Variants in PPM1B observed in about 807,000 individuals in gnomAD.
PPM1B encodes protein phosphatase 1B.
A neutral mutation model predicts 43.0 loss-of-function variants in PPM1B; 22 were observed. That is an observed-to-expected ratio of 0.51 (90% CI 0.37 to 0.73). The LOEUF (loss-of-function observed/expected upper bound fraction) is 0.73, where lower values mean the gene tolerates loss of function less well. Ranked by LOEUF, PPM1B falls within the 30% of genes least tolerant of loss-of-function variation. The probability of loss-of-function intolerance (pLI) is 0.00; values close to 1 mark genes in which losing one functional copy is unlikely to be tolerated. For missense variants in PPM1B, 632 were observed against 584.2 expected, an observed-to-expected ratio of 1.08 and a Z score of -0.84; for synonymous variants, 217 against 197.9, an observed-to-expected ratio of 1.10 and a Z score of -0.81.
At chr2:44,200,597 T>G (rs1668887861) in intron 1 of PPM1B, among the ~76,000 whole-genome samples, 1 of 152,190 alleles carries the variant, frequency 6.6e-6, no homozygotes, top group African/African-American at 2.4e-5. Flanking sequence ...TAAAACCAAA[T>G]GTGTGTAGAA....
rs1670711515 is a variant in PPM1B, at chr2:44,239,964, G to T, written n.1547-4264G>T. On this transcript the variant is annotated intron_variant and non_coding_transcript_variant, in intron 5 of 5. Transcript: ENST00000378540. ...AGATTACTATAGCCTCTTAAGTGCT[G>T]ACATCTAGCAGGTATACATTGTCTT... 1.4e-5 allele frequency among the ~76,000 whole-genome samples: 2 copies of T among 144,466 alleles called. 1 individual carries two copies. The highest frequency in any genetic ancestry group is 1.4e-4 in the Admixed American group (2 of 14,432). 94.8% of individuals were successfully genotyped at this position (144,466 alleles called of 152,430 possible).
chr2:44,199,048 G>A, intron 1 of PPM1B, among the ~76,000 whole-genome samples: 1 of 151,930 alleles, frequency 6.6e-6, no homozygotes, highest in East Asian at 1.9e-4. Context: ...CACAAGGTCA[G>A]GAGTTCAAGA....
chr2:44,242,210 C>A (rs1470378870), intron 5 of PPM1B, among the ~76,000 whole-genome samples: 2 of 152,138 alleles, frequency 1.3e-5, no homozygotes, highest in South Asian at 4.1e-4. Flanking sequence ...TAATTGGCAG[C>A]ATTTTTTCTT....
chr2:44,178,062 C>T (rs910160261), intron 1 of PPM1B, among the ~76,000 whole-genome samples: 4 of 151,692 alleles, frequency 2.6e-5, no homozygotes, highest in South Asian at 2.1e-4. Context: ...GAACTACAGG[C>T]GTGCACCAAC....
chr2:44,202,118 T>C, intron 2 of PPM1B, 73 bp downstream of exon 2: 1 of 1,343,478 alleles, frequency 7.4e-7, no homozygotes, highest in African/African-American at 1.5e-5. Flanking sequence ...TTAAGCTAAC[T>C]TAAAATTTTA....
At chr2:44,212,576 C>G (rs1384645167) in intron 3 of PPM1B, among the ~76,000 whole-genome samples, 1 of 152,170 alleles carries the variant, frequency 6.6e-6, no homozygotes, top group Non-Finnish European at 1.5e-5. Context: ...TTATCTTTAA[C>G]ATAATTGCTG....
In PPM1B at chr2:44,218,054, C is replaced by G. The variant is rs1313537993; in HGVS notation, c.1052C>G (p.Pro351Arg). 6 of 1,612,678 alleles carry G rather than the reference C, an allele frequency of 3.7e-6. No homozygotes were observed. Among genetic ancestry groups the G allele is most frequent in the Non-Finnish European group, 4.2e-6 (5 of 1,179,580 alleles). Residue 351 changes from proline to arginine, a missense_variant, in exon 4 of 6, where the codon CCT (proline) becomes CGT (arginine). Pro to Arg is a moderately radical substitution (Grantham distance 103). Transcript: ENST00000282412. ...TCTGCAGAAAATATCCCAAATTTGCCTCCTGGGGGAGGTCTTGCTGGCAAG... is the reference window on the plus strand; with the variant it reads ...TCTGCAGAAAATATCCCAAATTTGCGTCCTGGGGGAGGTCTTGCTGGCAAG... ...ILSAENIPNL[P>R]PGGGLAGKRN...
At chr2:44,217,266 G>T (rs949859290) in intron 3 of PPM1B, among the ~76,000 whole-genome samples, 34 of 151,846 alleles carry the variant, frequency 2.2e-4, no homozygotes, top group African/African-American at 8.2e-4. Flanking sequence ...AGGCATGGTA[G>T]CACATGCCTG....
chr2:44,202,392 A>T (rs971750744), intron 2 of PPM1B, among the ~76,000 whole-genome samples: 5 of 152,240 alleles, frequency 3.3e-5, no homozygotes, highest in Non-Finnish European at 5.9e-5. Context: ...TGTATATAGT[A>T]GAATTCTGTA....
intron 1 of PPM1B, among the ~76,000 whole-genome samples, chr2:44,189,576 G>T (rs913422435): frequency 1.3e-5 from 2 of 152,076 alleles, no homozygotes; most frequent in African/African-American, 4.8e-5. Flanking sequence ...CAATTCTCCT[G>T]CCTCAGCCTC....
intron 2 of PPM1B, among the ~76,000 whole-genome samples, chr2:44,204,615 C>T (rs1186356777): frequency 1.3e-5 from 2 of 152,020 alleles, no homozygotes; most frequent in Non-Finnish European, 2.9e-5. Flanking sequence ...GTAATTTTCA[C>T]AACCATATGA....
chr2:44,222,779 G>A (rs1670033161), intron 5 of PPM1B, among the ~76,000 whole-genome samples: 1 of 152,078 alleles, frequency 6.6e-6, no homozygotes, highest in South Asian at 2.1e-4. Context: ...CTACCATGCA[G>A]GAAAAATCAT....
chr2:44,238,658 T>C (rs1352045033), downstream of PPM1B, among the ~76,000 whole-genome samples: 4 of 151,490 alleles, frequency 2.6e-5, no homozygotes, highest in African/African-American at 4.9e-5. Context: ...GCCAAAATCG[T>C]GCCACTGCAC....
At chr2:44,226,978 G>T (rs200377929) in intron 5 of PPM1B, among the ~76,000 whole-genome samples, 1,814 of 118,968 alleles carry the variant, frequency 0.015, 46 homozygotes, top group East Asian at 0.098. Context: ...ATTTATGAAT[G>T]AATGAATGAA....
intron 5 of PPM1B, among the ~76,000 whole-genome samples, chr2:44,241,621 A>G (rs1670745825): frequency 8.6e-6 from 1 of 115,728 alleles, no homozygotes; most frequent in Admixed American, 8.2e-5. Flanking sequence ...AATCCCAGCT[A>G]CCTGGGAGGC....
At chr2:44,208,063 A>C (rs1440410587) in intron 2 of PPM1B, among the ~76,000 whole-genome samples, 6 of 150,732 alleles carry the variant, frequency 4.0e-5, no homozygotes, top group Non-Finnish European at 8.9e-5. Context: ...TAATTTTTGT[A>C]TATTTGTGTA....
At chr2:44,208,808 G>A (rs904185627) in intron 2 of PPM1B, among the ~76,000 whole-genome samples, 2 of 152,178 alleles carry the variant, frequency 1.3e-5, no homozygotes, top group Non-Finnish European at 2.9e-5. Flanking sequence ...TCGTAGCATT[G>A]CTCTGAGGCA....
intron 1 of PPM1B, among the ~76,000 whole-genome samples, chr2:44,196,250 T>A (rs1007768803): frequency 5.3e-5 from 8 of 152,224 alleles, no homozygotes; most frequent in African/African-American, 1.9e-4. Context: ...TGTGGCAGTT[T>A]CTCAGGCTTT....
chr2:44,202,929 T>G (rs955403277), intron 2 of PPM1B, among the ~76,000 whole-genome samples: 3 of 152,170 alleles, frequency 2.0e-5, no homozygotes, highest in Admixed American at 1.3e-4. Context: ...GTCTGGAGTG[T>G]GTAAGTATTT....
Sources: allele counts gnomAD v4.1 joint callset (sites outside exome capture counted in the v4.1 genomes callset), GRCh38; gene constraint gnomAD v4.1.1; transcripts MANE v1.5; gene names NCBI Gene and HGNC (gene_info 2026-07-23, HGNC 2026-07-21).